Variants in LPP observed in about 807,000 individuals in gnomAD.
LPP encodes the protein LIM domain containing preferred translocation partner in lipoma.
In LPP, 38 loss-of-function variants were observed where a neutral mutation model predicts 60.4. The ratio of observed to expected loss-of-function variants is 0.63; its 90% CI spans 0.49 to 0.83. LPP has a LOEUF of 0.83. LPP is among the 40% of genes least tolerant of loss of function. The pLI, the probability that LPP is intolerant of heterozygous loss-of-function variation, is 0.00. For synonymous variants in LPP, 328 were observed against 290.8 expected (o/e 1.13, Z -1.30); for missense variants, 902 against 783.6 (o/e 1.15, Z -1.80).
At chr3:188,815,794 C>G (rs1752306244) in intron 9 of LPP, among the ~76,000 whole-genome samples, 1 of 152,184 alleles carries the variant, frequency 6.6e-6, no homozygotes, top group South Asian at 2.1e-4. Flanking sequence ...AGAACACTGG[C>G]TGTTTCTTTG....
chr3:188,581,537 C>T (rs1836116564), intron 6 of LPP, among the ~76,000 whole-genome samples: 1 of 152,186 alleles, frequency 6.6e-6, no homozygotes, highest in Admixed American at 6.5e-5. Context: ...TCATTAATGT[C>T]CTGGTCCTGG....
chr3:188,680,615 G>C (rs1330433946), intron 7 of LPP, among the ~76,000 whole-genome samples: 1 of 152,144 alleles, frequency 6.6e-6, no homozygotes, highest in East Asian at 1.9e-4. Flanking sequence ...ACAGCAAAAA[G>C]AGAAAATAAT....
chr3:188,815,944 T>G (rs1047207391), intron 9 of LPP, among the ~76,000 whole-genome samples: 1 of 152,216 alleles, frequency 6.6e-6, no homozygotes, highest in African/African-American at 2.4e-5. Context: ...TCACTGTGAT[T>G]CTGTTGAGAC....
intron 9 of LPP, among the ~76,000 whole-genome samples, chr3:188,845,796 G>A (rs559461474): frequency 1.8e-4 from 27 of 152,302 alleles, no homozygotes; most frequent in African/African-American, 6.3e-4. Context: ...ACAAGCTGAA[G>A]GAGATCATAT....
chr3:188,697,740 T>C (rs1863565024), intron 7 of LPP, among the ~76,000 whole-genome samples: 1 of 152,252 alleles, frequency 6.6e-6, no homozygotes, highest in South Asian at 2.1e-4. Context: ...ATCACAATCC[T>C]GACATAAGTC....
At chr3:188,407,790 T>TTTTTTTTTTTTTTTTTTTTTTG (rs1560364521) in intron 4 of LPP, among the ~76,000 whole-genome samples, 4 of 76,336 alleles carry the variant, frequency 5.2e-5, no homozygotes, top group African/African-American at 1.5e-4. Context: ...GTTTGTTTGT[T>TTTTTTTTTTTTTTTTTTTTTTG]TTTTTTTTTT....
At chr3:188,366,843 C>A (rs1463983709) in intron 3 of LPP, among the ~76,000 whole-genome samples, 3 of 152,104 alleles carry the variant, frequency 2.0e-5, no homozygotes, top group African/African-American at 7.2e-5. Flanking sequence ...GTTCTCATTC[C>A]CTTGTTAGCT....
chr3:188,376,680 T>C (rs145390059), intron 3 of LPP, among the ~76,000 whole-genome samples: 2 of 152,230 alleles, frequency 1.3e-5, no homozygotes, highest in African/African-American at 4.8e-5. Flanking sequence ...CTGTGTCTTT[T>C]AGTTGGAGCA....
intron 6 of LPP, among the ~76,000 whole-genome samples, chr3:188,569,869 A>G (rs1833109833): frequency 6.6e-6 from 1 of 152,010 alleles, no homozygotes; most frequent in African/African-American, 2.4e-5. Flanking sequence ...TTTGTAATTT[A>G]TTTACAGAGT....
intron 1 of LPP, among the ~76,000 whole-genome samples, chr3:188,214,855 A>G (rs973462782): frequency 6.6e-6 from 1 of 152,232 alleles, no homozygotes; most frequent in Non-Finnish European, 1.5e-5. Context: ...ACAGCTGACA[A>G]GCATTGGTTG....
Position 188,874,610 on chromosome 3 carries a change from A to G in LPP, c.*131A>G. 1.9e-6 allele frequency: 2 copies of G among 1,040,900 alleles called. No homozygotes were observed. The highest frequency in any genetic ancestry group is 5.1e-5 in the East Asian group (2 of 39,198). The allele number at this position is 1,040,900 out of a possible 1,614,324, so 64.5% of individuals were successfully genotyped here. A position where few individuals can be genotyped will look rare whatever the true frequency, so the allele number is the denominator to read the frequency against. On this transcript the variant is annotated 3_prime_UTR_variant, in exon 12 of 12. Coordinates refer to ENST00000617246, the MANE Select transcript of LPP (RefSeq NM_001375462.1). ...CTGCTATTAACCTTGCCTTAGAAACACATAAATTATGAGATTTTTTTTAAA... is the reference window on the plus strand; with the variant it reads ...CTGCTATTAACCTTGCCTTAGAAACGCATAAATTATGAGATTTTTTTTAAA...
At chr3:188,419,890 A>C (rs1470906590) in intron 4 of LPP, among the ~76,000 whole-genome samples, 1 of 152,132 alleles carries the variant, frequency 6.6e-6, no homozygotes, top group Admixed American at 6.6e-5. Context: ...TCTCAAATAA[A>C]TGAATAAATA....
intron 9 of LPP, among the ~76,000 whole-genome samples, chr3:188,764,648 G>T (rs754501823): frequency 1.2e-4 from 18 of 152,170 alleles, no homozygotes; most frequent in Non-Finnish European, 2.4e-4. Context: ...CACATAAAGA[G>T]ACAGCCTTAC....
At chr3:188,508,712 C>T (rs1024451121) in intron 5 of LPP, among the ~76,000 whole-genome samples, 4 of 152,170 alleles carry the variant, frequency 2.6e-5, no homozygotes, top group East Asian at 3.9e-4. Flanking sequence ...GTTGGCACTG[C>T]GGGTGAGAAC....
intron 9 of LPP, among the ~76,000 whole-genome samples, chr3:188,761,113 G>A (rs1464558629): frequency 6.6e-6 from 1 of 152,104 alleles, no homozygotes; most frequent in African/African-American, 2.4e-5. Flanking sequence ...ATGTTGATGG[G>A]AAAAGTAGTG....
intron 9 of LPP, among the ~76,000 whole-genome samples, chr3:188,786,082 A>G (rs1741759066): frequency 6.6e-6 from 1 of 152,134 alleles, no homozygotes; most frequent in African/African-American, 2.4e-5. Context: ...TGCTAATGAT[A>G]TTAAACATCA....
At chr3:188,713,944 C>G (rs1396849983) in intron 8 of LPP, among the ~76,000 whole-genome samples, 1 of 152,102 alleles carries the variant, frequency 6.6e-6, no homozygotes. Flanking sequence ...TCTTCTATTG[C>G]TGGTGAGATG....
At chr3:188,592,413 T>C (rs1208736718) in intron 6 of LPP, among the ~76,000 whole-genome samples, 1 of 151,692 alleles carries the variant, frequency 6.6e-6, no homozygotes, top group South Asian at 2.1e-4. Context: ...CAAGTATACA[T>C]AGAAATACAA....
chr3:188,519,077 G>C (rs1818182203), intron 5 of LPP, among the ~76,000 whole-genome samples: 1 of 152,148 alleles, frequency 6.6e-6, no homozygotes, highest in Non-Finnish European at 1.5e-5. Context: ...TAAAACCACT[G>C]GGTGGGTGAA....
Sources: gnomAD v4.1 joint callset for allele counts (sites outside exome capture counted in the v4.1 genomes callset) on GRCh38, gnomAD v4.1.1 for gene constraint, MANE v1.5 for transcripts, NCBI Gene and HGNC (gene_info 2026-07-23, HGNC 2026-07-21) for gene names.